The following ASNS variants were observed in gnomAD, a reference collection of about 807,000 sequenced individuals.
ASNS encodes asparagine synthetase (glutamine-hydrolyzing).
Under a neutral mutation model 62.6 loss-of-function variants are expected in ASNS, and 37 were observed. That is an observed-to-expected ratio of 0.59 (90% CI 0.45 to 0.78). ASNS has a LOEUF of 0.78. ASNS is among the 30% of genes least tolerant of loss of function. ASNS has a pLI of 0.00. For missense variants in ASNS, 520 were observed against 682.4 expected (o/e 0.76, Z 2.65); for synonymous variants, 207 against 237.9 (o/e 0.87, Z 1.19).
At chr7:97,897,290 T>C in the ASNS span, among the ~76,000 whole-genome samples, 6 of 152,198 alleles carry the variant, frequency 3.9e-5, no homozygotes, top group African/African-American at 1.4e-4. Flanking sequence ...AACCCATAAC[T>C]ATAAAAACGC....
the ASNS span, chr7:97,928,073 G>A: frequency 1.3e-6 from 2 of 1,490,550 alleles, no homozygotes; most frequent in Non-Finnish European, 1.8e-6. Context: ...CCGCGCCCGC[G>A]TCACTTACTC....
the ASNS span, among the ~76,000 whole-genome samples, chr7:97,896,493 AGGCTGAGGCAGGAGAAT>A: frequency 6.8e-6 from 1 of 147,896 alleles, no homozygotes; most frequent in South Asian, 2.2e-4. Flanking sequence ...GCTACTCAGG[AGGCTGAGGCAGGAGAAT>A]GGCATGAACC....
the ASNS span, among the ~76,000 whole-genome samples, chr7:97,902,743 C>A: frequency 0.036 from 5,483 of 152,088 alleles, 277 homozygotes; most frequent in African/African-American, 0.11. Context: ...ACAACAACAA[C>A]AAAAAACTGA....
the ASNS span, among the ~76,000 whole-genome samples, chr7:97,914,135 G>C: frequency 7.5e-6 from 1 of 133,098 alleles, no homozygotes; most frequent in Non-Finnish European, 1.6e-5. Context: ...TGGGTAGGTG[G>C]GTGGATGGAT....
the ASNS span, among the ~76,000 whole-genome samples, chr7:97,877,688 G>A: frequency 6.6e-6 from 1 of 152,122 alleles, no homozygotes; most frequent in South Asian, 2.1e-4. Context: ...TCACAGCATG[G>A]CCATTTGTGT....
chr7:97,913,850 A>AGAT, the ASNS span, among the ~76,000 whole-genome samples: 15 of 148,384 alleles, frequency 1.0e-4, no homozygotes, highest in Admixed American at 6.1e-4. Flanking sequence ...GTGGATGGAA[A>AGAT]GATGGGTGGG....
At chr7:97,917,183 A>C in the ASNS span, among the ~76,000 whole-genome samples, 1 of 149,956 alleles carries the variant, frequency 6.7e-6, no homozygotes, top group East Asian at 2.0e-4. Flanking sequence ...TAGGGTAAGC[A>C]GGTCCCAAAT....
chr7:97,852,541 G>A (rs1231365741), intron 12 of ASNS, 73 bp from the exon 13 acceptor site: 1 of 1,419,078 alleles, frequency 7.0e-7, no homozygotes. Context: ...CTCATTTCAC[G>A]AAACAGAAAA....
the ASNS span, among the ~76,000 whole-genome samples, chr7:97,885,585 C>T: frequency 5.3e-5 from 8 of 151,942 alleles, no homozygotes; most frequent in African/African-American, 1.9e-4. Context: ...TCACCCTCAA[C>T]TTAAGGCTCA....
At chr7:97,895,153 A>T in the ASNS span, among the ~76,000 whole-genome samples, 6 of 152,244 alleles carry the variant, frequency 3.9e-5, no homozygotes, top group Non-Finnish European at 8.8e-5. Context: ...CAGAAAAATC[A>T]CTCAGTAAAA....
chr7:97,857,793 T>TC (rs1437293007), intron 7 of ASNS, among the ~76,000 whole-genome samples: 5 of 151,962 alleles, frequency 3.3e-5, no homozygotes, highest in Non-Finnish European at 5.9e-5. Context: ...GCCTTTACTT[T>TC]CTTTTTTTTT....
the ASNS span, among the ~76,000 whole-genome samples, chr7:97,897,654 G>A: frequency 6.6e-6 from 1 of 152,172 alleles, no homozygotes; most frequent in Non-Finnish European, 1.5e-5. Flanking sequence ...TATATTGTTG[G>A]TGGGAATGTA....
the ASNS span, among the ~76,000 whole-genome samples, chr7:97,891,948 G>A: frequency 3.3e-5 from 5 of 152,196 alleles, no homozygotes; most frequent in East Asian, 1.9e-4. Flanking sequence ...ACTAGGTGGC[G>A]CTGCAGTAGG....
the ASNS span, among the ~76,000 whole-genome samples, chr7:97,907,659 C>T: frequency 2.0e-5 from 3 of 151,974 alleles, no homozygotes; most frequent in East Asian, 5.8e-4. Context: ...GTCCCAGCTA[C>T]TCGGGAGGCT....
Position 97,859,407 on chromosome 7 carries a change from T to A in ASNS, c.488-9A>T. The stretch of plus-strand genomic sequence containing the variant: ...CTTCAATGTAACAAGACCTAGAAAT[T>A]CACAATGATACCTTTATTCAAATTA... On this transcript the variant is annotated splice_polypyrimidine_tract_variant and intron_variant, in intron 4 of 12. Coordinates refer to ENST00000394308, the MANE Select transcript of ASNS (RefSeq NM_001673.5). The A allele has an allele frequency of 6.3e-7, 1 of 1,594,102 alleles. No homozygotes were observed. The highest frequency in any genetic ancestry group is 8.6e-7 in the Non-Finnish European group (1 of 1,168,660).
chr7:97,910,983 T>A, the ASNS span, among the ~76,000 whole-genome samples: 1 of 152,192 alleles, frequency 6.6e-6, no homozygotes, highest in Admixed American at 6.5e-5. Flanking sequence ...AATCTTGAGA[T>A]CTTATTATCT....
At chr7:97,923,009 C>T in the ASNS span, among the ~76,000 whole-genome samples, 2 of 152,058 alleles carry the variant, frequency 1.3e-5, no homozygotes, top group Non-Finnish European at 2.9e-5. Flanking sequence ...AGGCTGGTCT[C>T]GAACTCCTGA....
chr7:97,893,204 T>A, the ASNS span, among the ~76,000 whole-genome samples: 1 of 152,258 alleles, frequency 6.6e-6, no homozygotes, highest in Non-Finnish European at 1.5e-5. Flanking sequence ...ACTTATTCAC[T>A]ATTAAAAGAA....
the ASNS span, among the ~76,000 whole-genome samples, chr7:97,925,719 T>G: frequency 6.6e-6 from 1 of 152,192 alleles, no homozygotes; most frequent in African/African-American, 2.4e-5. Context: ...TGCTTTTACC[T>G]GGTGCGTTAA....
Sources: gnomAD v4.1 joint callset for allele counts (sites outside exome capture counted in the v4.1 genomes callset) on GRCh38, gnomAD v4.1.1 for gene constraint, MANE v1.5 for transcripts, NCBI Gene and HGNC (gene_info 2026-07-23, HGNC 2026-07-21) for gene names.